Variants in ADGRB3 observed in about 807,000 individuals in gnomAD.
ADGRB3 encodes brain-specific angiogenesis inhibitor 3.
Under a neutral mutation model 193.4 loss-of-function variants are expected in ADGRB3, and 37 were observed. That is an observed-to-expected ratio of 0.19 (90% CI 0.15 to 0.25). The LOEUF is 0.25. Among genes scored for constraint, ADGRB3 ranks in the 10% least tolerant of loss-of-function variants. The pLI is 1.00. For missense variants in ADGRB3, 1,637 were observed against 1,852.9 expected (o/e 0.88, Z 2.14); for synonymous variants, 690 against 644.2 (o/e 1.07, Z -1.08).
intron 17 of ADGRB3, among the ~76,000 whole-genome samples, chr6:69,171,217 A>G (rs969823782): frequency 2.6e-5 from 4 of 152,188 alleles, no homozygotes; most frequent in African/African-American, 9.7e-5. Flanking sequence ...TAGTTTTCGA[A>G]TGCTCAATAG....
chr6:68,891,851 G>C (rs1766086564), intron 3 of ADGRB3, among the ~76,000 whole-genome samples: 1 of 152,142 alleles, frequency 6.6e-6, no homozygotes, highest in South Asian at 2.1e-4. Flanking sequence ...GAAGATGACA[G>C]AGCCAAGATC....
intron 6 of ADGRB3, among the ~76,000 whole-genome samples, chr6:68,947,927 A>G (rs1767815748): frequency 6.6e-6 from 1 of 152,138 alleles, no homozygotes; most frequent in Non-Finnish European, 1.5e-5. Context: ...AGGGGAAACT[A>G]ACATAGGGAA....
chr6:69,316,966 C>T (rs949051753), intron 20 of ADGRB3, among the ~76,000 whole-genome samples: 5 of 151,354 alleles, frequency 3.3e-5, no homozygotes, highest in African/African-American at 1.2e-4. Context: ...TGTAGAGATA[C>T]TAAATATGGA....
In ADGRB3 at chr6:69,210,159, T is replaced by TC. The variant is rs1210908636; in HGVS notation, c.2481-23131_2481-23130insC. ...TATATTAATATATATCATATATATA[T>TC]ATATATATATAAAGGGGAGTTTATT... is the stretch of plus-strand genomic sequence containing the variant. On this transcript the variant is annotated intron_variant, in intron 17 of 31. Coordinates refer to ENST00000370598, the MANE Select transcript of ADGRB3 (RefSeq NM_001704.3). Among the ~76,000 whole-genome samples, 19 of 124,150 alleles carry TC rather than the reference T, an allele frequency of 1.5e-4. 2 individuals carry two copies. Among genetic ancestry groups the TC allele is most frequent in the African/African-American group, 6.2e-4 (19 of 30,456 alleles). 81.4% of individuals were successfully genotyped at this position (124,150 alleles called of 152,430 possible).
intron 3 of ADGRB3, among the ~76,000 whole-genome samples, chr6:68,796,812 A>G (rs7755356): frequency 0.76 from 115,178 of 152,072 alleles, 43,840 homozygotes; most frequent in Middle Eastern, 0.89. Flanking sequence ...CCTATTGATA[A>G]GTAGCCTTTG....
chr6:68,916,229 C>G (rs1424168131), intron 3 of ADGRB3, among the ~76,000 whole-genome samples: 1 of 152,030 alleles, frequency 6.6e-6, no homozygotes, highest in African/African-American at 2.4e-5. Context: ...AAAAATTAAA[C>G]ATACAATTAC....
intron 23 of ADGRB3, chr6:69,332,583 T>C: frequency 1.0e-6 from 1 of 985,450 alleles, no homozygotes; most frequent in Non-Finnish European, 1.2e-6. Flanking sequence ...AAAACTGCTT[T>C]AGCCAAATGA....
chr6:69,340,629 A>T (rs191868569), intron 26 of ADGRB3, among the ~76,000 whole-genome samples: 1 of 152,182 alleles, frequency 6.6e-6, no homozygotes, highest in Admixed American at 6.5e-5. Context: ...TTTATTTTTT[A>T]TTATTCTTTA....
intron 13 of ADGRB3, among the ~76,000 whole-genome samples, chr6:69,032,245 G>A (rs969488263): frequency 1.3e-5 from 2 of 152,106 alleles, no homozygotes; most frequent in African/African-American, 4.8e-5. Context: ...TCAAAATCTG[G>A]TAGAGTCACA....
intron 3 of ADGRB3, among the ~76,000 whole-genome samples, chr6:68,670,207 C>T (rs957045069): frequency 3.3e-5 from 5 of 151,772 alleles, no homozygotes; most frequent in Non-Finnish European, 7.4e-5. Flanking sequence ...ATATCTTCTC[C>T]CACTCTGTGA....
intron 4 of ADGRB3, 128 bp from the exon 5 acceptor site, chr6:68,936,391 C>T: frequency 2.0e-6 from 2 of 985,942 alleles, no homozygotes; most frequent in South Asian, 1.8e-5. Context: ...TTTTCATGTA[C>T]CTTTTGATGT....
chr6:69,040,345 C>CTTTCTTTCTTTCTTTCTTTCT (rs1562133113), intron 13 of ADGRB3, among the ~76,000 whole-genome samples: 22 of 51,976 alleles, frequency 4.2e-4, no homozygotes, highest in Non-Finnish European at 7.6e-4. Flanking sequence ...TTCTTTCTTT[C>CTTTCTTTCTTTCTTTCTTTCT]TTTCTTTCTT....
chr6:68,886,586 T>C (rs1249375998), intron 3 of ADGRB3, among the ~76,000 whole-genome samples: 3 of 152,066 alleles, frequency 2.0e-5, no homozygotes, highest in African/African-American at 4.8e-5. Context: ...TATTGTCTTG[T>C]TTACTTTTTA....
At chr6:69,181,508 CTTATAA>C (rs543549312) in intron 17 of ADGRB3, among the ~76,000 whole-genome samples, 302 of 152,158 alleles carry the variant, frequency 2.0e-3, no homozygotes, top group African/African-American at 6.3e-3. Flanking sequence ...ATTGGAAATA[CTTATAA>C]TTATATTACC....
At chr6:69,346,749 TTGG>T (rs1242515676) in intron 26 of ADGRB3, among the ~76,000 whole-genome samples, 3 of 152,188 alleles carry the variant, frequency 2.0e-5, no homozygotes, top group Non-Finnish European at 2.9e-5. Flanking sequence ...TTTTACACTG[TTGG>T]TGGGAGTGTA....
chr6:69,162,465 G>A (rs530979803), intron 17 of ADGRB3, among the ~76,000 whole-genome samples: 28 of 152,196 alleles, frequency 1.8e-4, no homozygotes, highest in African/African-American at 6.5e-4. Flanking sequence ...AGCGCAGCCT[G>A]GAGTAACAAG....
intron 3 of ADGRB3, among the ~76,000 whole-genome samples, chr6:68,814,976 G>T (rs922453894): frequency 6.6e-6 from 1 of 152,142 alleles, no homozygotes; most frequent in Non-Finnish European, 1.5e-5. Context: ...CGGTATTGAT[G>T]GGACGTATCT....
In ADGRB3 at chr6:69,361,082, T is replaced by C; in HGVS notation, c.3809T>C (p.Leu1270Ser). 1 of 1,612,718 alleles carries C rather than the reference T, an allele frequency of 6.2e-7. No individual in the cohort carries two copies. Among genetic ancestry groups the C allele is most frequent in the Non-Finnish European group, 8.5e-7 (1 of 1,179,190 alleles). ...ATGAATGAGCTTAGCAATCCATGTTTGAAAAAAGAAAATAGTGAATTGCGG... is the reference window on the plus strand; with the variant it reads ...ATGAATGAGCTTAGCAATCCATGTTCGAAAAAAGAAAATAGTGAATTGCGG... ...MSMNELSNPC[L>S]KKENSELRRT... The change falls in exon 29 of 32, where the codon TTG becomes TCG. Residue 1270 changes from leucine to serine, a missense_variant. Physicochemically the swap from Leu to Ser is moderately radical, Grantham distance 145 (BLOSUM62 -2). Transcript: ENST00000370598.
At chr6:69,117,684 A>T (rs546931994) in intron 17 of ADGRB3, among the ~76,000 whole-genome samples, 194 of 152,312 alleles carry the variant, frequency 1.3e-3, no homozygotes, top group African/African-American at 4.6e-3. Flanking sequence ...GCTTTAAGGC[A>T]CCAGGCTCTA....
Sources: gnomAD v4.1 joint callset for allele counts (sites outside exome capture counted in the v4.1 genomes callset) on GRCh38, gnomAD v4.1.1 for gene constraint, MANE v1.5 for transcripts, NCBI Gene and HGNC (gene_info 2026-07-23, HGNC 2026-07-21) for gene names.